Variants in ZNF724 observed in about 807,000 individuals in gnomAD.
ZNF724 encodes zinc finger protein 724, also known as zinc finger protein 724 pseudogene.
Under a neutral mutation model 29.3 loss-of-function variants are expected in ZNF724, and 14 were observed. That is an observed-to-expected ratio of 0.48 (90% CI 0.32 to 0.75). ZNF724 has a LOEUF of 0.75. Among genes scored for constraint, ZNF724 ranks in the 30% least tolerant of loss-of-function variants. The pLI is 0.04. For missense variants in ZNF724, 557 were observed against 571.2 expected (o/e 0.98, Z 0.25); for synonymous variants, 180 against 193.6 (o/e 0.93, Z 0.58).
intron 3 of ZNF724, among the ~76,000 whole-genome samples, chr19:23,228,209 G>T (rs1260542118): frequency 6.6e-6 from 1 of 152,286 alleles, no homozygotes; most frequent in Non-Finnish European, 1.5e-5. Flanking sequence ...CAGCACTTTG[G>T]GAGGCTGAGA....
chr19:23,235,753 C>T (rs539620171), intron 1 of ZNF724, among the ~76,000 whole-genome samples: 2 of 152,100 alleles, frequency 1.3e-5, no homozygotes, highest in East Asian at 1.9e-4. Context: ...TGGCTGGAAC[C>T]ATATGTGTTC....
chr19:23,232,107 C>CA, intron 2 of ZNF724, 60 bp downstream of exon 2: 3 of 1,204,642 alleles, frequency 2.5e-6, no homozygotes, highest in African/African-American at 1.5e-5. Context: ...AAACATCCTA[C>CA]AAAAAAACAA....
chr19:23,243,501 A>AAAAG (rs1972174436), intron 1 of ZNF724, among the ~76,000 whole-genome samples: 4 of 148,540 alleles, frequency 2.7e-5, no homozygotes, highest in African/African-American at 5.0e-5. Flanking sequence ...AAAAAAAAAA[A>AAAAG]GGTAAACTGA....
chr19:23,232,073 T>C (rs1971943668), intron 2 of ZNF724, 94 bp downstream of exon 2: 2 of 1,045,156 alleles, frequency 1.9e-6, no homozygotes, highest in Admixed American at 1.9e-5. Context: ...CTGATACTCA[T>C]TTATGCAAAG....
chr19:23,233,501 C>T (rs1294751068), intron 1 of ZNF724, among the ~76,000 whole-genome samples: 1 of 152,108 alleles, frequency 6.6e-6, no homozygotes, highest in Non-Finnish European at 1.5e-5. Flanking sequence ...TGAGTATCCA[C>T]ACTTTTCTAA....
At chr19:23,250,155 G>C in intron 1 of ZNF724, 85 bp downstream of exon 1, 2 of 557,808 alleles carry the variant, frequency 3.6e-6, no homozygotes, top group Non-Finnish European at 7.2e-6. Flanking sequence ...TGACTGCGGG[G>C]AGGCCCGAGT....
intron 1 of ZNF724, among the ~76,000 whole-genome samples, chr19:23,241,310 T>C (rs1413969070): frequency 6.6e-6 from 1 of 152,120 alleles, no homozygotes; most frequent in Non-Finnish European, 1.5e-5. Context: ...AGCTGAATTC[T>C]ACCAAGTATA....
At position 23,222,463 on chromosome 19, in the gene ZNF724, T is replaced by G. The variant is rs749419456; in HGVS notation, c.1782A>C (p.Glu594Asp). ...HTGEKPYKCK[E>D]CGKAFNQCSN... ...AGCATTGGTTAAAAGCTTTGCCACA[T>G]TCTTTACATTTGTAGGGTTTCTCTC... Residue 594 changes from glutamate (E) to aspartate (D), a missense_variant, in exon 4 of 4, where the codon GAA becomes GAC. Coordinates refer to ENST00000418100, the MANE Select transcript of ZNF724 (RefSeq NM_001355404.2). 5 of 1,296,346 alleles carry G rather than the reference T, an allele frequency of 3.9e-6. No individual in the cohort carries two copies. The South Asian group carries it at 5.9e-5, about 15-fold the overall frequency. 80.3% of individuals were successfully genotyped at this position (1,296,346 alleles called of 1,614,324 possible).
At chr19:23,241,783 A>C (rs994603861) in intron 1 of ZNF724, among the ~76,000 whole-genome samples, 1 of 152,188 alleles carries the variant, frequency 6.6e-6, no homozygotes, top group Admixed American at 6.5e-5. Context: ...CAACATACTA[A>C]ATGGACACAA....
At position 23,223,079 on chromosome 19, in the gene ZNF724, G is replaced by A. The variant is rs750604627; in HGVS notation, c.1166C>T (p.Thr389Ile). The change falls in exon 4 of 4, where the codon ACT becomes ATT. Residue 389 changes from threonine to isoleucine, a missense_variant. Thr to Ile is a moderately conservative substitution (Grantham distance 89). Around this residue, in one of 3 missense-constraint regions of ZNF724, gnomAD observed 362 missense variants for 295.5 expected, o/e 1.22. Coordinates refer to ENST00000418100, the MANE Select transcript of ZNF724 (RefSeq NM_001355404.2). ...STLTQHKRIH[T>I]GEKPYKCEEC... ...TTCACATTTGTATGGTTTTTCTCCA[G>A]TATGAATTCTCTTATGTTGAGTAAG... 15 of 1,274,840 alleles carry A rather than the reference G, an allele frequency of 1.2e-5. No individual in the cohort carries two copies. Among genetic ancestry groups the A allele is most frequent in the Non-Finnish European group, 1.5e-5 (13 of 872,158 alleles). The allele number at this position is 1,274,840 out of a possible 1,614,324, so 79.0% of individuals were successfully genotyped here.
intron 1 of ZNF724, among the ~76,000 whole-genome samples, chr19:23,238,233 T>C (rs4093389): frequency 0.85 from 129,452 of 152,160 alleles, 55,109 homozygotes; most frequent in South Asian, 0.93. Flanking sequence ...CATGTGGTGG[T>C]GGGCGCCTGT....
chr19:23,239,397 A>G (rs146502052), intron 1 of ZNF724, among the ~76,000 whole-genome samples: 1,676 of 152,366 alleles, frequency 0.011, 23 homozygotes, highest in African/African-American at 0.037. Context: ...TTGTAACGAT[A>G]TAATTCAATA....
At chr19:23,243,098 T>G (rs1384282908) in intron 1 of ZNF724, among the ~76,000 whole-genome samples, 1 of 149,324 alleles carries the variant, frequency 6.7e-6, no homozygotes, top group African/African-American at 2.5e-5. Context: ...GTAAATATCA[T>G]GGAATACTGT....
chr19:23,247,523 A>G (rs2145797656), intron 1 of ZNF724, among the ~76,000 whole-genome samples: 1 of 152,284 alleles, frequency 6.6e-6, no homozygotes, highest in South Asian at 2.1e-4. Flanking sequence ...CAATCCCTGG[A>G]GAGATTTTCC....
At position 23,250,258 on chromosome 19, in the gene ZNF724, G is replaced by C; in HGVS notation, c.-16C>G. 1.5e-6 allele frequency: 1 copy of C among 685,506 alleles called. No homozygotes were observed. The allele number at this position is 685,506 out of a possible 1,614,324, so 42.5% of individuals were successfully genotyped here. ...CTCTCACCATTTCTAGGCTTCCAGGGGAGGCCCTGGCGTCTTAGCTGTGGA... is the reference window on the plus strand; with the variant it reads ...CTCTCACCATTTCTAGGCTTCCAGGCGAGGCCCTGGCGTCTTAGCTGTGGA... On this transcript the variant is annotated 5_prime_UTR_variant, in exon 1 of 4. Transcript: ENST00000418100.
chr19:23,228,058 A>G (rs1472477158), intron 3 of ZNF724, among the ~76,000 whole-genome samples: 1 of 152,158 alleles, frequency 6.6e-6, no homozygotes, highest in African/African-American at 2.4e-5. Context: ...AATGACAGCT[A>G]TATGGTACAC....
At chr19:23,242,952 T>C (rs1476933047) in intron 1 of ZNF724, among the ~76,000 whole-genome samples, 2 of 141,302 alleles carry the variant, frequency 1.4e-5, no homozygotes, top group African/African-American at 2.7e-5. Context: ...GGCAGGAGAA[T>C]AGCTTGAACT....
chr19:23,222,352 C>G lies in ZNF724; in HGVS notation c.*33G>C. 1 of 860,448 alleles carries G rather than the reference C, an allele frequency of 1.2e-6. No individual in the cohort carries two copies. Among genetic ancestry groups the G allele is most frequent in the African/African-American group, 1.7e-5 (1 of 59,894 alleles). 53.3% of individuals were successfully genotyped at this position (860,448 alleles called of 1,614,324 possible). ...TTGGCCTCCCAAAGTGCTGGGATTA[C>G]AGGTGTGAGCCACCACGCCTGGTCC... On this transcript the variant is annotated 3_prime_UTR_variant, in exon 4 of 4. Coordinates refer to ENST00000418100, the MANE Select transcript of ZNF724 (RefSeq NM_001355404.2).
Position 23,226,888 on chromosome 19 carries a change from A to G in ZNF724, c.227-2870T>C, listed in dbSNP as rs1249269256. Among the ~76,000 whole-genome samples the G allele has an allele frequency of 3.3e-5, 5 of 152,212 alleles. No homozygotes were observed. The East Asian group carries it at 7.7e-4, about 23-fold the overall frequency. ...GAGTTACAAATTGTCTAAAATTTTA[A>G]TATGTAAGTAAAACCAAAAACACAA... is the stretch of plus-strand genomic sequence containing the variant. On this transcript the variant is annotated intron_variant, in intron 3 of 3. Transcript: ENST00000418100.
Sources: gnomAD v4.1 joint callset for allele counts (sites outside exome capture counted in the v4.1 genomes callset) on GRCh38, gnomAD v4.1.1 for gene constraint, gnomAD v4.1.1 regional missense constraint, MANE v1.5 for transcripts, NCBI Gene and HGNC (gene_info 2026-07-23, HGNC 2026-07-21) for gene names.